Variants in NFATC2IP observed in about 807,000 individuals in gnomAD.
The protein encoded by NFATC2IP is NFATC2-interacting protein.
In NFATC2IP, 25 loss-of-function variants were observed where a neutral mutation model predicts 40.2. The observed-to-expected ratio is 0.62, with a 90% CI of 0.45 to 0.87. NFATC2IP has a LOEUF of 0.87. Ranked by LOEUF, NFATC2IP falls within the 40% of genes least tolerant of loss-of-function variation. The pLI, the probability that NFATC2IP is intolerant of heterozygous loss-of-function variation, is 0.00. For missense variants in NFATC2IP, 553 were observed against 555.6 expected (o/e 1.00, Z 0.05); for synonymous variants, 241 against 236.3 (o/e 1.02, Z -0.18).
intron 2 of NFATC2IP, among the ~76,000 whole-genome samples, chr16:28,953,459 G>C (rs888966502): frequency 6.6e-6 from 1 of 152,128 alleles, no homozygotes; most frequent in Admixed American, 6.6e-5. Flanking sequence ...TGCTGATTTT[G>C]GTGAGAATTA....
In NFATC2IP at chr16:28,963,830, G is replaced by T. The variant is rs1418182673; in HGVS notation, c.1227G>T (p.Met409Ile). ...SGRELPADLG[M>I]ESGDLIEVWG is the part of the protein sequence containing the mutation. ...GGGAGCTGCCAGCTGACCTGGGCAT[G>T]GAATCTGGGGACCTCATTGAGGTCT... is the stretch of plus-strand genomic sequence containing the variant. Residue 409 changes from methionine to isoleucine, a missense_variant, in exon 8 of 8, where the codon ATG becomes ATT. Physicochemically the swap from Met to Ile is conservative, Grantham distance 10. Coordinates refer to ENST00000320805, the MANE Select transcript of NFATC2IP (RefSeq NM_032815.4). 6.2e-7 allele frequency: 1 copy of T among 1,614,232 alleles called. No homozygotes were observed. The highest frequency in any genetic ancestry group is 2.2e-5 in the East Asian group (1 of 44,894).
At chr16:28,952,366 CAT>C in intron 2 of NFATC2IP, 162 bp downstream of exon 2, 1 of 1,121,250 alleles carries the variant, frequency 8.9e-7, no homozygotes. Context: ...TGTTAACAAG[CAT>C]AGAATGTATT....
chr16:28,963,710 C>G lies in NFATC2IP; in HGVS notation c.1107C>G (p.Ser369=). The part of the protein sequence containing the change: ...QTLEVSLSRD[S]PLKTLMSHYE... ...TTTCTTTTGTCTCCATCCAGGATTCCCCTCTAAAGACCCTCATGTCCCACT... is the reference window on the plus strand; with the variant it reads ...TTTCTTTTGTCTCCATCCAGGATTCGCCTCTAAAGACCCTCATGTCCCACT... The change falls in exon 8 of 8, where the codon TCC becomes TCG. Residue 369 remains serine (S), a synonymous_variant. Transcript: ENST00000320805. The G allele has an allele frequency of 1.9e-6, 3 of 1,613,938 alleles. No homozygotes were observed. The highest frequency in any genetic ancestry group is 2.5e-6 in the Non-Finnish European group (3 of 1,179,864).
rs919425330 is a variant in NFATC2IP, at chr16:28,963,843, C to T, written c.1240C>T (p.Leu414Phe). ...PADLGMESGD[L>F]IEVWG ...TGACCTGGGCATGGAATCTGGGGACCTCATTGAGGTCTGGGGCTGACACCC... is the reference window on the plus strand; with the variant it reads ...TGACCTGGGCATGGAATCTGGGGACTTCATTGAGGTCTGGGGCTGACACCC... The change falls in exon 8 of 8, where the codon CTC (leucine) becomes TTC (phenylalanine). Residue 414 changes from leucine (L) to phenylalanine (F), a missense_variant. Coordinates refer to ENST00000320805, the MANE Select transcript of NFATC2IP (RefSeq NM_032815.4). The T allele has an allele frequency of 6.2e-7, 1 of 1,614,208 alleles. No individual in the cohort carries two copies. Among genetic ancestry groups the T allele is most frequent in the Non-Finnish European group, 8.5e-7 (1 of 1,180,026 alleles).
Position 28,963,883 on chromosome 16 carries a change from C to G in NFATC2IP, c.*20C>G, listed in dbSNP as rs765181361. 1.9e-6 allele frequency: 3 copies of G among 1,612,450 alleles called. No individual in the cohort carries two copies. The South Asian group carries it at 3.3e-5, about 18-fold the overall frequency. On this transcript the variant is annotated 3_prime_UTR_variant, in exon 8 of 8. Transcript: ENST00000320805. ...GGCTGACACCCCACTCCCTGTTTGA[C>G]GGCCCAGCCTGGACTTGGGGAGAAT...
chr16:28,962,661 C>T (rs1202548189), intron 7 of NFATC2IP, among the ~76,000 whole-genome samples: 1 of 152,140 alleles, frequency 6.6e-6, no homozygotes, highest in Non-Finnish European at 1.5e-5. Flanking sequence ...TTAACTCTTT[C>T]CCAGGGATTT....
chr16:28,960,510 T>C (rs554059247), intron 7 of NFATC2IP, among the ~76,000 whole-genome samples: 2 of 152,312 alleles, frequency 1.3e-5, no homozygotes, highest in South Asian at 4.1e-4. Context: ...GGATGAGACT[T>C]GGTATGGTCC....
chr16:28,951,430 A>T, intron 1 of NFATC2IP, 32 bp downstream of exon 1: 1 of 1,369,636 alleles, frequency 7.3e-7, no homozygotes, highest in Non-Finnish European at 9.4e-7. Flanking sequence ...GGACCGGCGG[A>T]AGGGCCAAGG....
chr16:28,958,229 C>T (rs1485369653), intron 5 of NFATC2IP, among the ~76,000 whole-genome samples: 3 of 152,000 alleles, frequency 2.0e-5, no homozygotes, highest in Admixed American at 2.0e-4. Context: ...GCAGGTGGAT[C>T]ACCCGAATTC....
In NFATC2IP at chr16:28,966,832, A is replaced by G. The variant is rs941028760; in HGVS notation, c.*2969A>G. ...TCCAAGTTTCACTTTTTGTGATATAATGAGCCAGTTTTCTCAGTAATGTCT... is the reference window on the plus strand; with the variant it reads ...TCCAAGTTTCACTTTTTGTGATATAGTGAGCCAGTTTTCTCAGTAATGTCT... On this transcript the variant is annotated 3_prime_UTR_variant, in exon 8 of 8. Transcript: ENST00000320805. The G allele has an allele frequency of 6.6e-6, 1 of 151,998 alleles. No individual in the cohort carries two copies. Among genetic ancestry groups the G allele is most frequent in the African/African-American group, 2.4e-5 (1 of 41,414 alleles). The allele number at this position is 151,998 out of a possible 1,614,324, so 9.4% of individuals were successfully genotyped here. A position where few individuals can be genotyped will look rare whatever the true frequency, so the allele number is the denominator to read the frequency against.
intron 2 of NFATC2IP, 51 bp from the exon 3 acceptor site, chr16:28,954,514 G>A (rs370089007): frequency 6.2e-6 from 8 of 1,283,344 alleles, no homozygotes; most frequent in Middle Eastern, 2.1e-4. Context: ...CTTGGCCTTC[G>A]CTGGCCTCCC....
intron 7 of NFATC2IP, 130 bp downstream of exon 7, chr16:28,959,230 G>T: frequency 3.2e-6 from 2 of 629,262 alleles, no homozygotes; most frequent in Admixed American, 2.5e-5. Context: ...CATGTTCTTG[G>T]GTTCCCAGCC....
At chr16:28,952,642 T>C (rs1021887587) in intron 2 of NFATC2IP, 2 of 183,134 alleles carry the variant, frequency 1.1e-5, no homozygotes, top group African/African-American at 4.8e-5. Flanking sequence ...AGTGGGCAAA[T>C]GGAGACCTTG....
In NFATC2IP at chr16:28,966,737, C is replaced by A. The variant is rs1009304721; in HGVS notation, c.*2874C>A. 1.4e-5 allele frequency: 2 copies of A among 144,120 alleles called. No individual in the cohort carries two copies. The highest frequency in any genetic ancestry group is 2.2e-4 in the South Asian group (1 of 4,534). The allele number at this position is 144,120 out of a possible 1,614,324, so 8.9% of individuals were successfully genotyped here. On this transcript the variant is annotated 3_prime_UTR_variant, in exon 8 of 8. Coordinates refer to ENST00000320805, the MANE Select transcript of NFATC2IP (RefSeq NM_032815.4). ...TCGCGCCATTGCACTCCAGCCTGGG[C>A]GACAAGAGTGGAAACTCTGTCTCAA...
At chr16:28,955,610 A>C (rs113897015) in intron 3 of NFATC2IP, among the ~76,000 whole-genome samples, 1 of 151,946 alleles carries the variant, frequency 6.6e-6, no homozygotes, top group South Asian at 2.1e-4. Flanking sequence ...GTATTTTTAC[A>C]TTTTTAGAGA....
At chr16:28,955,541 C>A (rs1965010734) in intron 3 of NFATC2IP, among the ~76,000 whole-genome samples, 1 of 152,316 alleles carries the variant, frequency 6.6e-6, no homozygotes, top group East Asian at 1.9e-4. Context: ...CTCTCCCCTA[C>A]CCCTGCCTTC....
chr16:28,951,246 C>A lies in NFATC2IP; in HGVS notation c.235C>A (p.Pro79Thr). Residue 79 changes from proline to threonine, a missense_variant, in exon 1 of 8, where the codon CCG becomes ACG. Physicochemically the swap from Pro to Thr is conservative, Grantham distance 38. Transcript: ENST00000320805. ...DEVEVEPPEP[P>T]GPVASRDNSN... The stretch of plus-strand genomic sequence containing the variant: ...GGTTGAGGTGGAGCCCCCGGAGCCC[C>A]CGGGGCCGGTCGCGTCCCGGGATAA... 1 of 1,497,420 alleles carries A rather than the reference C, an allele frequency of 6.7e-7. No individual in the cohort carries two copies. The highest frequency in any genetic ancestry group is 1.3e-5 in the South Asian group (1 of 78,372). The allele number at this position is 1,497,420 out of a possible 1,614,324, so 92.8% of individuals were successfully genotyped here. A position where few individuals can be genotyped will look rare whatever the true frequency, so the allele number is the denominator to read the frequency against.
Position 28,959,032 on chromosome 16 carries a change from TC to T in NFATC2IP, c.1036del (p.Gln346AsnfsTer26). 1 of 1,613,928 alleles carries T rather than the reference TC, an allele frequency of 6.2e-7. No homozygotes were observed. Among genetic ancestry groups the T allele is most frequent in the Non-Finnish European group, 8.5e-7 (1 of 1,179,932 alleles). ...AAGTTCTCCAGAGGCCACAGAGACGTCCCAACAGCTCCAGCTCCGGGTGCAG... is the reference window on the plus strand; with the variant it reads ...AAGTTCTCCAGAGGCCACAGAGACGTCCAACAGCTCCAGCTCCGGGTGCAG... Reference protein sequence around the residue: ...LTSSPEATETSQQLQLRVQGK... With the variant: ...LTSSPEATETXQQLQLRVQGK... On this transcript the variant is annotated frameshift_variant, in exon 7 of 8. Transcript: ENST00000320805. LOFTEE classifies it high-confidence loss of function.
At position 28,951,406 on chromosome 16, in the gene NFATC2IP, C is replaced by T. The variant is rs1455694530; in HGVS notation, c.387+8C>T. On this transcript the variant is annotated splice_region_variant and intron_variant, in intron 1 of 7. Coordinates refer to ENST00000320805, the MANE Select transcript of NFATC2IP (RefSeq NM_032815.4). ...CCGGTGTACTCGGGGAAGGTGCGCC[C>T]GGTCCCGGGGAGGGGACCGGCGGAA... 3.6e-6 allele frequency: 5 copies of T among 1,376,478 alleles called. No individual in the cohort carries two copies. The highest frequency in any genetic ancestry group is 1.7e-5 in the South Asian group (1 of 57,662). The allele number at this position is 1,376,478 out of a possible 1,614,324, so 85.3% of individuals were successfully genotyped here.
Sources: gnomAD v4.1 joint callset for allele counts (sites outside exome capture counted in the v4.1 genomes callset) on GRCh38, gnomAD v4.1.1 for gene constraint, MANE v1.5 for transcripts, NCBI Gene and HGNC (gene_info 2026-07-23, HGNC 2026-07-21) for gene names.